PSMA8: variants seen among roughly 807,000 people sequenced by gnomAD.
The protein encoded by PSMA8 is proteasome 20S subunit alpha 8, also known as proteasome subunit alpha-type 8.
Under a neutral mutation model 32.4 loss-of-function variants are expected in PSMA8, and 18 were observed. The observed-to-expected ratio is 0.56, with a 90% confidence interval of 0.38 to 0.82. The LOEUF (loss-of-function observed/expected upper bound fraction) is 0.82, where lower values mean the gene tolerates loss of function less well. Ranked by LOEUF, PSMA8 falls within the 40% of genes least tolerant of loss-of-function variation. The probability of loss-of-function intolerance (pLI) is 0.00; values close to 1 mark genes in which losing one functional copy is unlikely to be tolerated. For missense variants in PSMA8, 298 were observed against 300.7 expected (o/e 0.99, Z 0.07); for synonymous variants, 104 against 98.1 (o/e 1.06, Z -0.36).
chr18:26,151,757 T>A, intron 2 of PSMA8, 101 bp from the exon 3 acceptor site: 1 of 1,104,614 alleles, frequency 9.1e-7, no homozygotes, highest in Non-Finnish European at 1.3e-6. Context: ...AAAAAAAGGA[T>A]AAGAAAGATT....
At chr18:26,179,759 A>G (rs1290759993) in intron 6 of PSMA8, among the ~76,000 whole-genome samples, 1 of 151,970 alleles carries the variant, frequency 6.6e-6, no homozygotes, top group Non-Finnish European at 1.5e-5. Flanking sequence ...AGCACTCAAA[A>G]TTTGGGAAAC....
chr18:26,177,064 G>A (rs2055269725), intron 4 of PSMA8, among the ~76,000 whole-genome samples: 1 of 152,184 alleles, frequency 6.6e-6, no homozygotes, highest in African/African-American at 2.4e-5. Flanking sequence ...GGGGCATGTG[G>A]CAGCATAGTG....
At chr18:26,186,248 C>CAAAAA (rs534639436) in intron 6 of PSMA8, among the ~76,000 whole-genome samples, 2 of 27,844 alleles carry the variant, frequency 7.2e-5, no homozygotes, top group Non-Finnish European at 1.1e-4. Flanking sequence ...GACTCTGTCT[C>CAAAAA]AAAAAAAAAA....
At chr18:26,137,720 C>T (rs2054924126) in intron 1 of PSMA8, among the ~76,000 whole-genome samples, 1 of 152,048 alleles carries the variant, frequency 6.6e-6, no homozygotes, top group Admixed American at 6.6e-5. Flanking sequence ...GATAGCATCA[C>T]ATACAAAATA....
At chr18:26,177,139 C>T (rs1049896588) in intron 4 of PSMA8, among the ~76,000 whole-genome samples, 1 of 152,180 alleles carries the variant, frequency 6.6e-6, no homozygotes, top group Admixed American at 6.5e-5. Context: ...CTTCTGCTTA[C>T]TCTCTGCATG....
intron 1 of PSMA8, among the ~76,000 whole-genome samples, chr18:26,135,229 G>T (rs1044676598): frequency 5.9e-5 from 9 of 152,152 alleles, no homozygotes; most frequent in Non-Finnish European, 1.0e-4. Context: ...AGTGACACAA[G>T]ATCTATTACC....
At chr18:26,143,494 A>G (rs1457602756) in intron 1 of PSMA8, among the ~76,000 whole-genome samples, 1 of 152,206 alleles carries the variant, frequency 6.6e-6, no homozygotes, top group East Asian at 1.9e-4. Context: ...TATAAAATAA[A>G]AATTTATAAA....
chr18:26,187,202 C>T (rs561859057), intron 6 of PSMA8, among the ~76,000 whole-genome samples: 10 of 152,022 alleles, frequency 6.6e-5, no homozygotes, highest in South Asian at 4.2e-4. Context: ...AAAAATTAGC[C>T]GGGTGTGATG....
chr18:26,188,523 C>T (rs562556736), intron 6 of PSMA8, among the ~76,000 whole-genome samples: 1 of 151,942 alleles, frequency 6.6e-6, no homozygotes, highest in African/African-American at 2.4e-5. Context: ...TCAAAAGACC[C>T]AGAAGAGCCA....
intron 4 of PSMA8, among the ~76,000 whole-genome samples, chr18:26,163,033 A>C (rs1280192784): frequency 6.6e-6 from 1 of 151,788 alleles, no homozygotes; most frequent in Non-Finnish European, 1.5e-5. Context: ...CCCATCATTT[A>C]ACAAGTATTC....
At chr18:26,139,381 C>A (rs995257670) in intron 1 of PSMA8, among the ~76,000 whole-genome samples, 1 of 152,246 alleles carries the variant, frequency 6.6e-6, no homozygotes, top group Middle Eastern at 3.4e-3. Flanking sequence ...TGGATCCTTC[C>A]CCAGTTGAGC....
Position 26,158,151 on chromosome 18 carries a change from T to C in PSMA8, c.384T>C (p.Pro128=), listed in dbSNP as rs766889454. ...ATACCCAAAGCAATGGACGAAGACC[T>C]TTTGGTATTTCTGCCTTAATTGTAG... ...QKYTQSNGRR[P]FGISALIVGF... Residue 128 remains proline, a synonymous_variant, in exon 4 of 7, where the codon CCT becomes CCC. Transcript: ENST00000415576. 6.2e-7 allele frequency: 1 copy of C among 1,601,874 alleles called. No homozygotes were observed. Among genetic ancestry groups the C allele is most frequent in the South Asian group, 1.1e-5 (1 of 90,354 alleles).
chr18:26,190,322 GCTTGAGGGGAT>G (rs2055391646), intron 6 of PSMA8, among the ~76,000 whole-genome samples: 1 of 152,150 alleles, frequency 6.6e-6, no homozygotes. Flanking sequence ...AAGGATAAAT[GCTTGAGGGGAT>G]GGATACCCCA....
At chr18:26,184,259 T>G (rs1386221198) in intron 6 of PSMA8, among the ~76,000 whole-genome samples, 1 of 150,692 alleles carries the variant, frequency 6.6e-6, no homozygotes, top group Admixed American at 6.6e-5. Flanking sequence ...TATTCTGGCT[T>G]AAAGCAGCTG....
intron 4 of PSMA8, among the ~76,000 whole-genome samples, chr18:26,163,225 A>G (rs1382651779): frequency 0.028 from 998 of 35,280 alleles, 70 homozygotes; most frequent in African/African-American, 0.078. Context: ...ATATATATAT[A>G]TATATATATA....
chr18:26,134,621 A>G (rs190088727), intron 1 of PSMA8, among the ~76,000 whole-genome samples: 4 of 152,294 alleles, frequency 2.6e-5, no homozygotes, highest in Admixed American at 6.5e-5. Flanking sequence ...TTGTTGATGA[A>G]GAAATGATTA....
intron 1 of PSMA8, among the ~76,000 whole-genome samples, chr18:26,139,077 G>A (rs1375490145): frequency 6.6e-6 from 1 of 152,166 alleles, no homozygotes; most frequent in Admixed American, 6.5e-5. Flanking sequence ...CCTTGGATGT[G>A]GGCTGAACTT....
intron 4 of PSMA8, among the ~76,000 whole-genome samples, chr18:26,169,942 C>CTG (rs1443379975): frequency 1.0e-5 from 1 of 97,956 alleles, no homozygotes; most frequent in Non-Finnish European, 1.7e-5. Flanking sequence ...CTGCAAACAC[C>CTG]TGAGACTTGC....
chr18:26,151,874 T>A lies in PSMA8; in HGVS notation c.246T>A (p.Ala82=). Residue 82 remains alanine (A), a synonymous_variant, in exon 3 of 7, where the codon GCT becomes GCA. Transcript: ENST00000415576. ...TTTTTATAGGACTTACTGCTGATGC[T>A]AGAGTAGTAATAAACAGAGCCCGTG... ...CMAFAGLTAD[A]RVVINRARVE... The A allele has an allele frequency of 3.1e-6, 5 of 1,607,226 alleles. No individual in the cohort carries two copies. The highest frequency in any genetic ancestry group is 4.2e-6 in the Non-Finnish European group (5 of 1,177,544).
Sources: allele counts gnomAD v4.1 joint callset (sites outside exome capture counted in the v4.1 genomes callset), GRCh38; gene constraint gnomAD v4.1.1; transcripts MANE v1.5; gene names NCBI Gene and HGNC (gene_info 2026-07-23, HGNC 2026-07-21).